The following PCDH11X variants were observed in gnomAD, a reference collection of about 807,000 sequenced individuals.
PCDH11X encodes the protein protocadherin 11 X-linked.
A neutral mutation model predicts 53.3 loss-of-function variants in PCDH11X; 18 were observed. That is an observed-to-expected ratio of 0.34 (90% CI 0.23 to 0.50). The LOEUF (loss-of-function observed/expected upper bound fraction) is 0.50. Ranked by LOEUF, PCDH11X falls within the 20% of genes least tolerant of loss-of-function variation. The probability of loss-of-function intolerance (pLI) is 0.98; values close to 1 mark genes in which losing one functional copy is unlikely to be tolerated. For missense variants in PCDH11X, 570 were observed against 1,032.4 expected, an observed-to-expected ratio of 0.55 and a Z score of 6.14; for synonymous variants, 279 against 393.3, an observed-to-expected ratio of 0.71 and a Z score of 3.44.
intron 9 of PCDH11X, among the ~76,000 whole-genome samples, chrX:92,389,914 A>G (rs1158201764): frequency 1.8e-5 from 2 of 109,264 alleles, no homozygotes; most frequent in East Asian, 5.7e-4. Context: ...ATTATCTTGA[A>G]CATTAAATAT....
At chrX:92,192,585 G>T (rs1283050789) in intron 6 of PCDH11X, among the ~76,000 whole-genome samples, 1 of 110,859 alleles carries the variant, frequency 9.0e-6, no homozygotes, top group African/African-American at 3.3e-5. Flanking sequence ...TTGACCTCAT[G>T]ATCCGCCCAC....
intron 7 of PCDH11X, among the ~76,000 whole-genome samples, chrX:92,236,561 A>G (rs1255411135): frequency 9.0e-6 from 1 of 111,140 alleles, no homozygotes; most frequent in Non-Finnish European, 1.9e-5. Context: ...GGGAAAATGT[A>G]TAGAAGATAA....
intron 9 of PCDH11X, among the ~76,000 whole-genome samples, chrX:92,431,662 A>G (rs1199035937): frequency 9.1e-6 from 1 of 109,688 alleles, no homozygotes; most frequent in African/African-American, 3.3e-5. Flanking sequence ...ACATGAGATG[A>G]GAATAAATTC....
At chrX:92,586,570 A>C (rs1924404948) in intron 10 of PCDH11X, among the ~76,000 whole-genome samples, 2 of 105,412 alleles carry the variant, frequency 1.9e-5, no homozygotes, top group Non-Finnish European at 3.9e-5. Context: ...CCCCACACTC[A>C]CCAAGTTCTT....
intron 10 of PCDH11X, among the ~76,000 whole-genome samples, chrX:92,526,554 TA>T (rs1487422112): frequency 1.9e-5 from 2 of 105,580 alleles, no homozygotes; most frequent in Non-Finnish European, 3.9e-5. Flanking sequence ...GAACATCAGA[TA>T]AATGCAAATC....
At chrX:92,459,931 C>T (rs2072999557) in intron 9 of PCDH11X, 7 of 1,182,050 alleles carry the variant, frequency 5.9e-6, no homozygotes, top group South Asian at 3.5e-5. Flanking sequence ...CCTGAACGAC[C>T]GCCTGGCCTC....
At chrX:91,962,331 T>C (rs1046035682) in intron 6 of PCDH11X, among the ~76,000 whole-genome samples, 3 of 112,608 alleles carry the variant, frequency 2.7e-5, no homozygotes, top group Non-Finnish European at 3.7e-5. Flanking sequence ...AGAAGTTGGC[T>C]AAGACAAAGG....
intron 10 of PCDH11X, among the ~76,000 whole-genome samples, chrX:92,597,424 A>G (rs1020360474): frequency 3.6e-5 from 4 of 111,493 alleles, no homozygotes; most frequent in Non-Finnish European, 7.5e-5. Context: ...AGTCAAATTA[A>G]TAATAGCCAC....
rs780290505 is a variant in PCDH11X at position 91,877,620 on chromosome X, T to C, written c.1380T>C (p.Asn460=). The change falls in exon 6 of 11, where the codon AAT becomes AAC. Residue 460 remains asparagine, a synonymous_variant. Transcript: ENST00000682573. ...AMLFIKVKDE[N]DNAPVFTQSF... is the part of the protein sequence containing the mutation. ...TCTTCATCAAAGTGAAAGATGAAAA[T>C]GACAATGCTCCAGTTTTCACCCAGT... 5.0e-6 allele frequency: 6 copies of C among 1,210,442 alleles called. No homozygotes were observed. In the East Asian group the frequency reaches 1.2e-4, roughly 24 times the overall value.
At chrX:91,975,382 G>A (rs752154161) in intron 6 of PCDH11X, among the ~76,000 whole-genome samples, 3 of 111,879 alleles carry the variant, frequency 2.7e-5, no homozygotes, top group East Asian at 2.8e-4. Context: ...AGTTTTGGAC[G>A]TCTTAATCTT....
chrX:91,852,262 G>A (rs948854788), intron 5 of PCDH11X, among the ~76,000 whole-genome samples: 2 of 110,031 alleles, frequency 1.8e-5, no homozygotes, highest in Non-Finnish European at 1.9e-5. Flanking sequence ...TGATCCTCCC[G>A]CCTCGGCCTC....
intron 7 of PCDH11X, among the ~76,000 whole-genome samples, chrX:92,232,076 T>A (rs55651436): frequency 0.18 from 19,694 of 111,641 alleles, 1,381 homozygotes; most frequent in Admixed American, 0.29. Flanking sequence ...ATAAATTCAT[T>A]TGATATTCAT....
intron 5 of PCDH11X, among the ~76,000 whole-genome samples, chrX:91,867,790 T>G (rs1007602236): frequency 9.0e-6 from 1 of 111,292 alleles, no homozygotes; most frequent in Non-Finnish European, 1.9e-5. Context: ...TTGACTAGTC[T>G]TACCTCCAAC....
chrX:92,338,670 A>G (rs1331033809), intron 8 of PCDH11X, among the ~76,000 whole-genome samples: 2 of 111,589 alleles, frequency 1.8e-5, no homozygotes, highest in African/African-American at 6.5e-5. Flanking sequence ...ATAGAAACAC[A>G]CAAGCATGGA....
intron 10 of PCDH11X, among the ~76,000 whole-genome samples, chrX:92,544,465 T>C (rs1335586618): frequency 5.4e-5 from 6 of 110,930 alleles, no homozygotes; most frequent in African/African-American, 2.0e-4. Flanking sequence ...AGAAAAACTT[T>C]TGAAGACGTG....
chrX:91,828,132 T>C (rs1313030532), intron 4 of PCDH11X, among the ~76,000 whole-genome samples: 2 of 103,496 alleles, frequency 1.9e-5, no homozygotes, highest in Non-Finnish European at 3.9e-5. Context: ...TTTTTTTTTT[T>C]TTTTTGAGAT....
intron 5 of PCDH11X, among the ~76,000 whole-genome samples, chrX:91,863,707 G>A (rs968792254): frequency 3.6e-5 from 4 of 111,237 alleles, no homozygotes; most frequent in Admixed American, 9.6e-5. Context: ...CTCTAGTGAA[G>A]GAGATTTTCT....
At chrX:92,090,316 C>A (rs1336454270) in intron 6 of PCDH11X, among the ~76,000 whole-genome samples, 1 of 110,319 alleles carries the variant, frequency 9.1e-6, no homozygotes, top group Non-Finnish European at 1.9e-5. Flanking sequence ...AAGAGTTCTG[C>A]ATAATAGCAA....
intron 6 of PCDH11X, among the ~76,000 whole-genome samples, chrX:91,977,570 T>C (rs2062063504): frequency 9.0e-6 from 1 of 111,338 alleles, no homozygotes; most frequent in South Asian, 3.8e-4. Context: ...TAAGCATTTG[T>C]AGTGAATATC....
Sources: allele counts gnomAD v4.1 joint callset (sites outside exome capture counted in the v4.1 genomes callset), GRCh38; gene constraint gnomAD v4.1.1; transcripts MANE v1.5; gene names NCBI Gene and HGNC (gene_info 2026-07-23, HGNC 2026-07-21).